The following ANKRD6 variants were observed in gnomAD, a reference collection of about 807,000 sequenced individuals.
ANKRD6 encodes ankyrin repeat domain-containing protein 6.
Under a neutral mutation model 82.3 loss-of-function variants are expected in ANKRD6, and 56 were observed. The observed-to-expected ratio is 0.68, with a 90% confidence interval of 0.55 to 0.85. ANKRD6 has a LOEUF of 0.85. Among genes scored for constraint, ANKRD6 ranks in the 40% least tolerant of loss-of-function variants. ANKRD6 has a pLI of 0.00. For synonymous variants in ANKRD6, 347 were observed against 352.1 expected (o/e 0.99, Z 0.16); for missense variants, 852 against 907.6 (o/e 0.94, Z 0.79).
rs1477326474 is a variant in ANKRD6 at position 89,544,199 on chromosome 6, C to T, written c.-143-22635C>T. Among the ~76,000 whole-genome samples the T allele has an allele frequency of 3.3e-5, 5 of 152,060 alleles. No individual in the cohort carries two copies. In the East Asian group the frequency reaches 9.6e-4, roughly 29 times the overall value. The stretch of plus-strand genomic sequence containing the variant: ...GCCTTTTGACCTCCTCAATATTCTG[C>T]CAAGGCAGTACCAGCATCTCCATTT... On this transcript the variant is annotated intron_variant, in intron 1 of 15. Coordinates refer to ENST00000339746, the MANE Select transcript of ANKRD6 (RefSeq NM_001242809.2).
chr6:89,516,096 TTGAC>T (rs1343427018), intron 1 of ANKRD6, among the ~76,000 whole-genome samples: 22 of 152,224 alleles, frequency 1.4e-4, no homozygotes, highest in Non-Finnish European at 2.5e-4. Context: ...GTGTGTCAGT[TTGAC>T]TGGGCCATGG....
At chr6:89,624,423 C>A in intron 12 of ANKRD6, 116 bp from the exon 13 acceptor site, 1 of 1,290,300 alleles carries the variant, frequency 7.8e-7, no homozygotes, top group East Asian at 2.5e-5. Context: ...AAGGATGAGC[C>A]TATCTCTTCC....
chr6:89,548,215 C>T (rs550923139), intron 1 of ANKRD6, among the ~76,000 whole-genome samples: 1 of 152,322 alleles, frequency 6.6e-6, no homozygotes, highest in Admixed American at 6.5e-5. Flanking sequence ...CTCCTGGCAA[C>T]CACTAATCTA....
At chr6:89,602,924 T>C in intron 3 of ANKRD6, 105 bp from the exon 4 acceptor site, 1 of 921,568 alleles carries the variant, frequency 1.1e-6, no homozygotes, top group Non-Finnish European at 1.7e-6. Context: ...CGCTCTGCTC[T>C]GTGTGGGGAC....
At chr6:89,544,979 G>A (rs1362124195) in intron 1 of ANKRD6, among the ~76,000 whole-genome samples, 6 of 151,372 alleles carry the variant, frequency 4.0e-5, no homozygotes, top group Non-Finnish European at 8.8e-5. Context: ...TTCGGGAGGC[G>A]GAGGCGGGCA....
At chr6:89,507,227 T>A (rs1056332448) in intron 1 of ANKRD6, among the ~76,000 whole-genome samples, 2 of 152,234 alleles carry the variant, frequency 1.3e-5, no homozygotes, top group African/African-American at 4.8e-5. Flanking sequence ...TAATTTTTTT[T>A]ATGGTTCATA....
rs188247182 is a variant in ANKRD6 at position 89,554,427 on chromosome 6, C to T, written c.-143-12407C>T. On this transcript the variant is annotated intron_variant, in intron 1 of 15. Transcript: ENST00000339746. ...CCACCCAGATAATCCAGGACATCAA[C>T]GGATTAACTTAATCACGTCTTTTTT... Among the ~76,000 whole-genome samples the T allele has an allele frequency of 2.2e-3, 301 of 139,448 alleles. 1 individual carries two copies. Among genetic ancestry groups the T allele is most frequent in the African/African-American group, 7.5e-3 (282 of 37,520 alleles). 91.5% of individuals were successfully genotyped at this position (139,448 alleles called of 152,430 possible).
intron 2 of ANKRD6, among the ~76,000 whole-genome samples, chr6:89,593,031 G>A (rs1254934591): frequency 2.6e-5 from 4 of 152,100 alleles, no homozygotes; most frequent in East Asian, 1.9e-4. Context: ...CCAAGATCGC[G>A]CCACTGCACT....
chr6:89,446,316 C>T (rs2127947404), intron 1 of ANKRD6, among the ~76,000 whole-genome samples: 1 of 152,198 alleles, frequency 6.6e-6, no homozygotes, highest in South Asian at 2.1e-4. Flanking sequence ...CGTGCCATTG[C>T]ACTCCAGCCT....
chr6:89,488,091 G>A (rs1011824441), intron 1 of ANKRD6, among the ~76,000 whole-genome samples: 2 of 152,182 alleles, frequency 1.3e-5, no homozygotes, highest in African/African-American at 4.8e-5. Flanking sequence ...GTGCCTGGTG[G>A]TGACTCAATT....
Position 89,496,181 on chromosome 6 carries a change from C to A in ANKRD6, c.-144+62806C>A, listed in dbSNP as rs895455523. Reference sequence around the variant, plus strand: ...AGCAAGCTTTTTTCCACACTGCCCCCCCCCCCACCATAATTAAAGTACTTA... The same window carrying A: ...AGCAAGCTTTTTTCCACACTGCCCCACCCCCCACCATAATTAAAGTACTTA... On this transcript the variant is annotated intron_variant, in intron 1 of 15. Transcript: ENST00000339746. Among the ~76,000 whole-genome samples, 18 of 151,564 alleles carry A rather than the reference C, an allele frequency of 1.2e-4. 1 individual carries two copies. Among genetic ancestry groups the A allele is most frequent in the Admixed American group, 1.2e-3 (18 of 15,220 alleles).
At chr6:89,525,905 C>T (rs1782440311) in intron 1 of ANKRD6, among the ~76,000 whole-genome samples, 1 of 152,218 alleles carries the variant, frequency 6.6e-6, no homozygotes, top group Non-Finnish European at 1.5e-5. Flanking sequence ...ATGTAAGTCC[C>T]ATTCTCTGTC....
chr6:89,591,349 G>T (rs547138588), intron 2 of ANKRD6, among the ~76,000 whole-genome samples: 2 of 152,198 alleles, frequency 1.3e-5, no homozygotes, highest in Admixed American at 6.5e-5. Context: ...TGATCCACCC[G>T]CCTTGGCCTC....
At chr6:89,457,872 T>C (rs942224648) in intron 1 of ANKRD6, among the ~76,000 whole-genome samples, 3 of 152,230 alleles carry the variant, frequency 2.0e-5, no homozygotes, top group Non-Finnish European at 2.9e-5. Context: ...AATTCATATA[T>C]TGAAACCCTA....
chr6:89,539,578 A>G (rs1438924521), intron 1 of ANKRD6, among the ~76,000 whole-genome samples: 1 of 152,100 alleles, frequency 6.6e-6, no homozygotes, highest in African/African-American at 2.4e-5. Flanking sequence ...TATGAGGTAC[A>G]TGAGATGTTT....
intron 2 of ANKRD6, among the ~76,000 whole-genome samples, chr6:89,580,362 A>G (rs927929870): frequency 6.6e-6 from 1 of 152,178 alleles, no homozygotes; most frequent in Non-Finnish European, 1.5e-5. Flanking sequence ...CTGTACTCCA[A>G]TATGAACTTT....
At chr6:89,557,427 A>G (rs955285703) in intron 1 of ANKRD6, among the ~76,000 whole-genome samples, 3 of 152,186 alleles carry the variant, frequency 2.0e-5, no homozygotes, top group African/African-American at 7.2e-5. Context: ...AGGGATGGTT[A>G]GGAGAATGAG....
At chr6:89,566,590 T>G (rs1788588180) in intron 1 of ANKRD6, among the ~76,000 whole-genome samples, 1 of 152,148 alleles carries the variant, frequency 6.6e-6, no homozygotes, top group Non-Finnish European at 1.5e-5. Flanking sequence ...CTGGCCATAC[T>G]CCTCCGGAGG....
chr6:89,569,562 C>T lies in ANKRD6; in HGVS notation c.120+2466C>T, dbSNP rs546229364. 9.9e-5 allele frequency among the ~76,000 whole-genome samples: 15 copies of T among 152,198 alleles called. No homozygotes were observed. In the East Asian group the frequency reaches 2.7e-3, roughly 27 times the overall value. ...TAATGCTTTTGTGAAAATTTATATA[C>T]AAGTTTTTGTGTTGGAAATATGTTT... is the stretch of plus-strand genomic sequence containing the variant. On this transcript the variant is annotated intron_variant, in intron 2 of 15. Transcript: ENST00000339746.
Sources: allele counts gnomAD v4.1 joint callset (sites outside exome capture counted in the v4.1 genomes callset), GRCh38; gene constraint gnomAD v4.1.1; transcripts MANE v1.5; gene names NCBI Gene and HGNC (gene_info 2026-07-23, HGNC 2026-07-21).